CDH23: variants seen among roughly 807,000 people sequenced by gnomAD.
CDH23 encodes cadherin related 23, also known as cadherin-23.
A neutral mutation model predicts 317.1 loss-of-function variants in CDH23; 189 were observed. The observed-to-expected ratio is 0.60, with a 90% CI of 0.53 to 0.67. The LOEUF is 0.67. CDH23 is among the 30% of genes least tolerant of loss of function. The pLI is 0.00. For synonymous variants in CDH23, 1,839 were observed against 1,876.8 expected (o/e 0.98, Z 0.52); for missense variants, 4,401 against 4,592.4 (o/e 0.96, Z 1.20).
At position 71,645,889 on chromosome 10, in the gene CDH23, T is replaced by A. The variant is rs1862824563; in HGVS notation, c.1199T>A (p.Ile400Asn). ...LVGNNSHHFI[I>N]SPTSVQGKAD... Reference sequence around the variant, plus strand: ...GGGAACAACTCCCACCACTTCATCATCTCCCCGACCTCCGTCCAGGGGAAG... The same window carrying A: ...GGGAACAACTCCCACCACTTCATCAACTCCCCGACCTCCGTCCAGGGGAAG... Residue 400 changes from isoleucine to asparagine, a missense_variant, in exon 13 of 70, where the codon ATC becomes AAC. Coordinates refer to ENST00000224721, the MANE Select transcript of CDH23 (RefSeq NM_022124.6). 6.2e-7 allele frequency: 1 copy of A among 1,613,408 alleles called. No individual in the cohort carries two copies. The highest frequency in any genetic ancestry group is 1.3e-5 in the African/African-American group (1 of 74,918).
intron 1 of CDH23, among the ~76,000 whole-genome samples, chr10:71,406,029 T>G (rs1347634648): frequency 6.6e-6 from 1 of 151,864 alleles, no homozygotes; most frequent in Non-Finnish European, 1.5e-5. Flanking sequence ...TTTTTTTTTT[T>G]TTTTGAGGCA....
chr10:71,772,833 A>C (rs1840717977), intron 38 of CDH23, among the ~76,000 whole-genome samples: 1 of 152,178 alleles, frequency 6.6e-6, no homozygotes, highest in African/African-American at 2.4e-5. Flanking sequence ...TGTGTCTGAA[A>C]GTGGACCCAC....
chr10:71,803,506 G>C, intron 55 of CDH23, 86 bp downstream of exon 55: 1 of 1,244,596 alleles, frequency 8.0e-7, no homozygotes, highest in Non-Finnish European at 1.1e-6. Context: ...CCACTCTAAA[G>C]GTGGGGAAAC....
At chr10:71,694,123 C>G in intron 20 of CDH23, 24 bp from the exon 21 acceptor site, 2 of 1,590,252 alleles carry the variant, frequency 1.3e-6, no homozygotes. Context: ...AACCCTCTCA[C>G]GCACCCACTT....
intron 8 of CDH23, among the ~76,000 whole-genome samples, chr10:71,573,843 C>G (rs538341453): frequency 6.6e-6 from 1 of 152,192 alleles, no homozygotes. Context: ...AATCTGCCTC[C>G]GTGTCCACAC....
chr10:71,646,554 G>T lies in CDH23; in HGVS notation c.1386G>T (p.Gln462His), dbSNP rs1475171565. Residue 462 changes from glutamine to histidine, a missense_variant, in exon 14 of 70, where the codon CAG (glutamine) becomes CAT (histidine). Transcript: ENST00000224721. ...NENDNRPIFSQPLYNISLYEN... is the reference protein window; with the variant it reads ...NENDNRPIFSHPLYNISLYEN... Reference sequence around the variant, plus strand: ...ATGACAACCGGCCCATCTTCAGCCAGCCACTGTACAACATCAGCCTGTACG... The same window carrying T: ...ATGACAACCGGCCCATCTTCAGCCATCCACTGTACAACATCAGCCTGTACG... 2 of 1,613,900 alleles carry T rather than the reference G, an allele frequency of 1.2e-6. No individual in the cohort carries two copies. Among genetic ancestry groups the T allele is most frequent in the African/African-American group, 2.7e-5 (2 of 74,906 alleles).
intron 1 of CDH23, among the ~76,000 whole-genome samples, chr10:71,410,379 A>G (rs1031608089): frequency 6.6e-6 from 1 of 151,676 alleles, no homozygotes; most frequent in African/African-American, 2.4e-5. Flanking sequence ...GATTTCCAGG[A>G]CTGGGAGGTC....
chr10:71,616,413 C>T (rs548338075), intron 10 of CDH23, among the ~76,000 whole-genome samples: 1 of 152,334 alleles, frequency 6.6e-6, no homozygotes, highest in South Asian at 2.1e-4. Flanking sequence ...CATGGGAGGG[C>T]GTGCTCCCAC....
chr10:71,506,658 G>A (rs1052405721), intron 3 of CDH23, among the ~76,000 whole-genome samples: 16 of 152,208 alleles, frequency 1.1e-4, no homozygotes, highest in African/African-American at 3.4e-4. Flanking sequence ...CTTGCTTCCC[G>A]GAGAAGCCAG....
At chr10:71,581,862 A>G (rs1858662604) in intron 9 of CDH23, among the ~76,000 whole-genome samples, 1 of 152,212 alleles carries the variant, frequency 6.6e-6, no homozygotes, top group African/African-American at 2.4e-5. Flanking sequence ...CCTCTGCCAG[A>G]CAGCCACAGT....
chr10:71,486,291 C>T (rs968923360), intron 3 of CDH23, among the ~76,000 whole-genome samples: 1 of 152,088 alleles, frequency 6.6e-6, no homozygotes, highest in Non-Finnish European at 1.5e-5. Context: ...TTGGTGGAGA[C>T]TCTAGGCACT....
chr10:71,471,139 C>T (rs549485272), intron 3 of CDH23, among the ~76,000 whole-genome samples: 6 of 148,272 alleles, frequency 4.0e-5, no homozygotes, highest in African/African-American at 7.3e-5. Flanking sequence ...TTTAATTTTG[C>T]GGGTCTTTCA....
At chr10:71,564,980 T>C (rs1857318885) in intron 6 of CDH23, among the ~76,000 whole-genome samples, 2 of 152,236 alleles carry the variant, frequency 1.3e-5, no homozygotes, top group South Asian at 4.1e-4. Flanking sequence ...TGGCTAGATA[T>C]AGATACATAT....
At position 71,702,178 on chromosome 10, in the gene CDH23, CT is replaced by C; in HGVS notation, c.2555del (p.Leu852ArgfsTer17). On this transcript the variant is annotated frameshift_variant, in exon 23 of 70. Transcript: ENST00000224721. LOFTEE classifies it high-confidence loss of function. ...RENPDPHEAE[L>X]MRKIVVSVTD... ...GAACCCCGACCCCCATGAGGCCGAG[CT>C]GATGCGCAAAATCGTCGTCTCTGTT... The C allele has an allele frequency of 6.2e-7, 1 of 1,613,870 alleles. No individual in the cohort carries two copies. The highest frequency in any genetic ancestry group is 8.5e-7 in the Non-Finnish European group (1 of 1,179,880).
chr10:71,565,245 G>A (rs971306726), intron 6 of CDH23, among the ~76,000 whole-genome samples: 1 of 152,076 alleles, frequency 6.6e-6, no homozygotes, highest in Non-Finnish European at 1.5e-5. Context: ...AGGTACCCAG[G>A]GCTTAGCAAC....
At position 71,643,897 on chromosome 10, in the gene CDH23, G is replaced by C. The variant is rs551705321; in HGVS notation, c.1140+31G>C. On this transcript the variant is annotated intron_variant, in intron 12 of 69. Coordinates refer to ENST00000224721, the MANE Select transcript of CDH23 (RefSeq NM_022124.6). Reference sequence around the variant, plus strand: ...TGAGCCTCTGAAGGGCAGGGGTTGGGCTTGGGGAGGGCTTGTGGTGGGCAC... The same window carrying C: ...TGAGCCTCTGAAGGGCAGGGGTTGGCCTTGGGGAGGGCTTGTGGTGGGCAC... The C allele has an allele frequency of 2.3e-5, 18 of 766,064 alleles. No homozygotes were observed. In the African/African-American group the frequency reaches 3.0e-4, roughly 13 times the overall value. The allele number at this position is 766,064 out of a possible 1,614,324, so 47.5% of individuals were successfully genotyped here.
At chr10:71,638,958 G>T (rs775163165) in intron 11 of CDH23, among the ~76,000 whole-genome samples, 40 of 152,190 alleles carry the variant, frequency 2.6e-4, no homozygotes, top group Non-Finnish European at 4.4e-4. Flanking sequence ...CTGCCCTCGT[G>T]GGGGTGGGAA....
At chr10:71,786,001 T>C (rs1589420453) in intron 44 of CDH23, among the ~76,000 whole-genome samples, 1 of 152,338 alleles carries the variant, frequency 6.6e-6, no homozygotes, top group East Asian at 1.9e-4. Flanking sequence ...AGCCAATATA[T>C]GTGAAAGCCT....
At chr10:71,459,308 T>C (rs139954996) in intron 3 of CDH23, among the ~76,000 whole-genome samples, 104 of 152,108 alleles carry the variant, frequency 6.8e-4, no homozygotes, top group Non-Finnish European at 1.2e-3. Flanking sequence ...TTGCTGAGGC[T>C]GGTCTTGAAT....
Sources: gnomAD v4.1 joint callset for allele counts (sites outside exome capture counted in the v4.1 genomes callset) on GRCh38, gnomAD v4.1.1 for gene constraint, MANE v1.5 for transcripts, NCBI Gene and HGNC (gene_info 2026-07-23, HGNC 2026-07-21) for gene names.